Variants in RBFOX1 observed in about 807,000 individuals in gnomAD.
RBFOX1 encodes the protein RNA binding protein fox-1 homolog 1.
Under a neutral mutation model 57.7 loss-of-function variants are expected in RBFOX1, and 8 were observed. That is an observed-to-expected ratio of 0.14 (90% CI 0.08 to 0.25). RBFOX1 has a LOEUF of 0.25. RBFOX1 is among the 10% of genes least tolerant of loss of function. The probability of loss-of-function intolerance (pLI) is 1.00; values close to 1 mark genes in which losing one functional copy is unlikely to be tolerated. For missense variants in RBFOX1, 611 were observed against 548.5 expected (o/e 1.11, Z -1.14); for synonymous variants, 326 against 222.4 (o/e 1.47, Z -4.15).
chr16:5,910,177 C>T (rs747409486), intron 4 of RBFOX1, among the ~76,000 whole-genome samples: 3 of 152,156 alleles, frequency 2.0e-5, no homozygotes, highest in African/African-American at 7.2e-5. Flanking sequence ...TTCTGTCCTG[C>T]AGCCTAGAAT....
At chr16:6,664,097 C>T (rs1452977089) in intron 3 of RBFOX1, among the ~76,000 whole-genome samples, 1 of 152,168 alleles carries the variant, frequency 6.6e-6, no homozygotes, top group African/African-American at 2.4e-5. Flanking sequence ...ATAGAGTCTA[C>T]TTGCTCATAG....
rs552286817 is a variant in RBFOX1, at chr16:5,380,857, T to C, written c.220-86359T>C. On this transcript the variant is annotated intron_variant, in intron 1 of 2. Coordinates refer to the RBFOX1 transcript ENST00000585867. ...TAACTTGAATATTTTATCCTGAGGA[T>C]GTACTCATGCATGACTTGTATAATA... 3.9e-5 allele frequency among the ~76,000 whole-genome samples: 6 copies of C among 152,352 alleles called. 1 individual carries two copies. The South Asian group carries it at 1.2e-3, about 32-fold the overall frequency.
chr16:5,441,855 A>C (rs982092807), intron 1 of RBFOX1, among the ~76,000 whole-genome samples: 1 of 152,190 alleles, frequency 6.6e-6, no homozygotes, highest in Non-Finnish European at 1.5e-5. Context: ...CACTATCACG[A>C]AAAACAGATA....
At chr16:5,782,593 GCTTA>G (rs1299948932) in intron 3 of RBFOX1, among the ~76,000 whole-genome samples, 1 of 152,172 alleles carries the variant, frequency 6.6e-6, no homozygotes, top group African/African-American at 2.4e-5. Flanking sequence ...TATATTGATT[GCTTA>G]CTATGTTAGG....
chr16:5,941,370 G>A (rs911078501), intron 4 of RBFOX1, among the ~76,000 whole-genome samples: 12 of 151,566 alleles, frequency 7.9e-5, no homozygotes, highest in African/African-American at 1.7e-4. Context: ...CATGCCTGTC[G>A]TCCCAGCTAC....
intron 3 of RBFOX1, among the ~76,000 whole-genome samples, chr16:5,621,470 G>C (rs771873707): frequency 2.0e-5 from 3 of 152,114 alleles, no homozygotes; most frequent in Admixed American, 2.0e-4. Context: ...AGTAGATACC[G>C]CTGTCAGTCA....
At position 5,616,909 on chromosome 16, in the gene RBFOX1, C is replaced by G. The variant is rs1294513913; in HGVS notation, c.318+17948C>G. Among the ~76,000 whole-genome samples, 4 of 148,086 alleles carry G rather than the reference C, an allele frequency of 2.7e-5. No homozygotes were observed. The Admixed American group carries it at 2.7e-4, about 10-fold the overall frequency. ...CCTTTCTCCCCTGCCTCTTTTTCCA[C>G]CCCCTCACTTTGGCTCAGCCAGCTT... On this transcript the variant is annotated intron_variant, in intron 3 of 19. Coordinates refer to the RBFOX1 transcript ENST00000641259.
At chr16:6,829,946 T>C (rs913907848) in intron 3 of RBFOX1, among the ~76,000 whole-genome samples, 5 of 151,514 alleles carry the variant, frequency 3.3e-5, no homozygotes, top group Non-Finnish European at 7.4e-5. Context: ...GATGGAGTTT[T>C]GCTCTTGTTG....
chr16:7,226,213 G>C (rs1351757910), intron 4 of RBFOX1, among the ~76,000 whole-genome samples: 1 of 152,164 alleles, frequency 6.6e-6, no homozygotes, highest in Non-Finnish European at 1.5e-5. Flanking sequence ...CCCTGAGCCA[G>C]TTACTCAAGT....
intron 3 of RBFOX1, among the ~76,000 whole-genome samples, chr16:6,965,051 C>T (rs575659568): frequency 6.6e-6 from 1 of 152,058 alleles, no homozygotes; most frequent in Non-Finnish European, 1.5e-5. Flanking sequence ...TCTCCTCCTT[C>T]CCTGGAGTCT....
chr16:6,147,594 C>A (rs1402615120), intron 1 of RBFOX1, among the ~76,000 whole-genome samples: 4 of 151,736 alleles, frequency 2.6e-5, no homozygotes, highest in African/African-American at 9.7e-5. Flanking sequence ...GGGATGGGGG[C>A]AAGAAAGATG....
chr16:6,186,111 A>G (rs1022789462), intron 1 of RBFOX1, among the ~76,000 whole-genome samples: 1 of 152,222 alleles, frequency 6.6e-6, no homozygotes, highest in Non-Finnish European at 1.5e-5. Context: ...TTATATCTGT[A>G]TATGAATTCA....
At chr16:5,976,898 T>C (rs1226913415) in intron 4 of RBFOX1, among the ~76,000 whole-genome samples, 1 of 152,134 alleles carries the variant, frequency 6.6e-6, no homozygotes, top group Non-Finnish European at 1.5e-5. Context: ...TTGCTAAAGA[T>C]GATAAAGCAA....
intron 3 of RBFOX1, among the ~76,000 whole-genome samples, chr16:6,814,576 T>C (rs1345723211): frequency 1.3e-5 from 2 of 152,210 alleles, no homozygotes; most frequent in Middle Eastern, 3.4e-3. Context: ...ATGAGCATGA[T>C]AGATGCGAAT....
At chr16:6,789,202 G>A (rs1218195071) in intron 3 of RBFOX1, among the ~76,000 whole-genome samples, 2 of 152,114 alleles carry the variant, frequency 1.3e-5, no homozygotes, top group Non-Finnish European at 2.9e-5. Context: ...AAGACTGTAA[G>A]TCATGAAATG....
chr16:6,075,294 C>G (rs191901892), intron 1 of RBFOX1, among the ~76,000 whole-genome samples: 37 of 152,314 alleles, frequency 2.4e-4, no homozygotes, highest in African/African-American at 8.7e-4. Flanking sequence ...TTTTCATCTA[C>G]TTTTCCAGGG....
At chr16:6,931,645 A>G (rs957594515) in intron 3 of RBFOX1, among the ~76,000 whole-genome samples, 2 of 152,086 alleles carry the variant, frequency 1.3e-5, no homozygotes, top group Non-Finnish European at 2.9e-5. Flanking sequence ...TTCTATCCCT[A>G]TTTGAGAGAT....
chr16:6,549,339 T>A (rs537475172), intron 2 of RBFOX1, among the ~76,000 whole-genome samples: 1 of 1,202 alleles, frequency 8.3e-4, no homozygotes, highest in Non-Finnish European at 1.5e-3. Flanking sequence ...GGAGGAGGGG[T>A]GGAGGAGGAG....
intron 3 of RBFOX1, among the ~76,000 whole-genome samples, chr16:5,677,543 G>C (rs956403680): frequency 1.3e-5 from 2 of 152,176 alleles, no homozygotes; most frequent in South Asian, 2.1e-4. Flanking sequence ...AGTCAAGTTT[G>C]AAAGAAATTC....
Sources: gnomAD v4.1 joint callset for allele counts (sites outside exome capture counted in the v4.1 genomes callset) on GRCh38, gnomAD v4.1.1 for gene constraint, MANE v1.5 for transcripts, NCBI Gene and HGNC (gene_info 2026-07-23, HGNC 2026-07-21) for gene names.